ZNF420: variants seen among roughly 807,000 people sequenced by gnomAD.
ZNF420 encodes the protein zinc finger protein 420.
ZNF420 carries 31 observed loss-of-function variants against 44.7 expected under a neutral mutation model. The ratio of observed to expected loss-of-function variants is 0.69; its 90% CI spans 0.52 to 0.94. The LOEUF is 0.94. Among genes scored for constraint, ZNF420 ranks in the 40% least tolerant of loss-of-function variants. The pLI is 0.00. For synonymous variants in ZNF420, 245 were observed against 267.4 expected (o/e 0.92, Z 0.82); for missense variants, 681 against 827.9 (o/e 0.82, Z 2.18).
At chr19:37,012,490 G>A (rs949368587) in intron 1 of ZNF420, among the ~76,000 whole-genome samples, 7 of 152,226 alleles carry the variant, frequency 4.6e-5, no homozygotes, top group Non-Finnish European at 1.0e-4. Context: ...CAACAGGATG[G>A]TCTGCGGATG....
At position 37,128,271 on chromosome 19, in the gene ZNF420, C is replaced by T. The variant is rs1263939503; in HGVS notation, c.1280C>T (p.Ala427Val). The change falls in exon 5 of 5, where the codon GCG becomes GTG. Residue 427 changes from alanine to valine, a missense_variant. Physicochemically the swap from Ala to Val is moderately conservative, Grantham distance 64. This residue lies in a region of ZNF420 where 280 missense variants were observed against 338.6 expected (regional missense o/e 0.83). Transcript: ENST00000337995. Reference sequence around the variant, plus strand: ...TATCAATGTAAGGAATGTGGAAAAGCGTTTAATCGTGGCTCACTCCTTACA... The same window carrying T: ...TATCAATGTAAGGAATGTGGAAAAGTGTTTAATCGTGGCTCACTCCTTACA... ...KPYQCKECGK[A>V]FNRGSLLTRH... 5.6e-6 allele frequency: 9 copies of T among 1,613,862 alleles called. No homozygotes were observed. Among genetic ancestry groups the T allele is most frequent in the South Asian group, 2.2e-5 (2 of 91,066 alleles).
chr19:37,105,038 ATTGCTTTTGG>A (rs1381564101), intron 4 of ZNF420, among the ~76,000 whole-genome samples: 9 of 152,050 alleles, frequency 5.9e-5, no homozygotes, highest in Non-Finnish European at 1.3e-4. Flanking sequence ...TTTTGTTGCC[ATTGCTTTTGG>A]TGTTTTAGAC....
chr19:37,063,376 T>C (rs1967910662), intron 1 of ZNF420, among the ~76,000 whole-genome samples: 1 of 152,190 alleles, frequency 6.6e-6, no homozygotes, highest in Admixed American at 6.5e-5. Flanking sequence ...CCAGGCATTG[T>C]GAAGACCCGG....
At chr19:37,111,497 G>A in intron 4 of ZNF420, 1 of 152,206 alleles carries the variant, frequency 6.6e-6, no homozygotes, top group South Asian at 2.1e-4. Context: ...ATGAAAAGGA[G>A]TAGAGGTTTG....
chr19:37,053,730 C>G (rs1967686752), intron 1 of ZNF420, among the ~76,000 whole-genome samples: 1 of 151,980 alleles, frequency 6.6e-6, no homozygotes, highest in African/African-American at 2.4e-5. Flanking sequence ...AGTTTTGTCT[C>G]AGAGGAGTAC....
intron 2 of ZNF420, among the ~76,000 whole-genome samples, chr19:37,087,854 C>G (rs755146942): frequency 7.0e-4 from 106 of 152,170 alleles, no homozygotes; most frequent in Non-Finnish European, 1.3e-3. Flanking sequence ...ACCATGTTAG[C>G]CAGGATGGTC....
intron 1 of ZNF420, among the ~76,000 whole-genome samples, chr19:37,056,088 G>GTCTCTC (rs373594908): frequency 4.0e-5 from 6 of 149,588 alleles, no homozygotes; most frequent in African/African-American, 1.2e-4. Flanking sequence ...CTCACTCTCT[G>GTCTCTC]TCTCTCTCTC....
chr19:37,011,586 C>T (rs1290638774), intron 1 of ZNF420, among the ~76,000 whole-genome samples: 4 of 152,114 alleles, frequency 2.6e-5, no homozygotes, highest in Admixed American at 6.5e-5. Context: ...GAAACCTCTC[C>T]GCTCCTCCAG....
intron 1 of ZNF420, among the ~76,000 whole-genome samples, chr19:37,066,751 C>G (rs1967974576): frequency 1.3e-5 from 2 of 152,118 alleles, no homozygotes; most frequent in Non-Finnish European, 2.9e-5. Context: ...TAAAACTGAA[C>G]ATACACCTAT....
intron 1 of ZNF420, among the ~76,000 whole-genome samples, chr19:37,064,906 A>T (rs1967940227): frequency 6.6e-6 from 1 of 152,156 alleles, no homozygotes; most frequent in African/African-American, 2.4e-5. Context: ...AGACAGTTTG[A>T]GAGAGAAAAG....
At chr19:37,100,740 T>G (rs892928242) in intron 4 of ZNF420, among the ~76,000 whole-genome samples, 1 of 152,108 alleles carries the variant, frequency 6.6e-6, no homozygotes, top group Admixed American at 6.6e-5. Flanking sequence ...TTTGGCTGTT[T>G]GGGGACTTTT....
intron 4 of ZNF420, among the ~76,000 whole-genome samples, chr19:37,119,434 A>G (rs948023649): frequency 6.6e-6 from 1 of 152,212 alleles, no homozygotes; most frequent in African/African-American, 2.4e-5. Flanking sequence ...GAGAACAAAG[A>G]CACAACATAC....
chr19:37,029,554 CT>C (rs1017561340), intron 1 of ZNF420, among the ~76,000 whole-genome samples: 51 of 142,834 alleles, frequency 3.6e-4, no homozygotes, highest in Middle Eastern at 3.6e-3. Context: ...TTTTCTTTTA[CT>C]TTTTTTTTTT....
In ZNF420 at chr19:37,054,046, G is replaced by A. The variant is rs544221489; in HGVS notation, c.-124-26299G>A. ...CCAGCCGCTTTGTTCACCTACTGAC[G>A]CCTTGGCAATGGCTGGCGCCCCTCC... On this transcript the variant is annotated intron_variant, in intron 1 of 4. Transcript: ENST00000587029. 9.8e-5 allele frequency among the ~76,000 whole-genome samples: 15 copies of A among 152,324 alleles called. No individual in the cohort carries two copies. The South Asian group carries it at 1.2e-3, about 13-fold the overall frequency.
intron 1 of ZNF420, among the ~76,000 whole-genome samples, chr19:37,071,943 G>T (rs535786861): frequency 6.6e-6 from 1 of 151,860 alleles, no homozygotes; most frequent in Non-Finnish European, 1.5e-5. Flanking sequence ...TGAAACATAC[G>T]AATTTAATTA....
At chr19:37,125,102 T>G (rs566796206) in intron 4 of ZNF420, among the ~76,000 whole-genome samples, 163 of 152,252 alleles carry the variant, frequency 1.1e-3, no homozygotes, top group African/African-American at 3.9e-3. Context: ...CCTCCCAAAG[T>G]GCTGGGATTA....
At chr19:37,108,094 C>T (rs1031013396) in intron 4 of ZNF420, among the ~76,000 whole-genome samples, 1 of 152,108 alleles carries the variant, frequency 6.6e-6, no homozygotes, top group African/African-American at 2.4e-5. Context: ...AATTTTTGAT[C>T]AATACCAGAT....
chr19:37,093,450 T>A (rs1969267862), intron 4 of ZNF420, among the ~76,000 whole-genome samples: 1 of 152,174 alleles, frequency 6.6e-6, no homozygotes, highest in South Asian at 2.1e-4. Flanking sequence ...CTCAAACTCC[T>A]GACCTCGTGA....
chr19:37,079,472 C>T (rs1442204721), intron 1 of ZNF420, among the ~76,000 whole-genome samples: 1 of 152,146 alleles, frequency 6.6e-6, no homozygotes, highest in African/African-American at 2.4e-5. Context: ...ACAGTGGCTG[C>T]CCTTTCATCC....
Sources: allele counts gnomAD v4.1 joint callset (sites outside exome capture counted in the v4.1 genomes callset), GRCh38; gene constraint gnomAD v4.1.1; regional missense constraint gnomAD v4.1.1; transcripts MANE v1.5; gene names NCBI Gene and HGNC (gene_info 2026-07-23, HGNC 2026-07-21).